GALNT2: variants seen among roughly 807,000 people sequenced by gnomAD.
GALNT2 encodes polypeptide N-acetylgalactosaminyltransferase 2, also known as UDP-GalNAc:polypeptide N-acetylgalactosaminyltransferase 2.
A neutral mutation model predicts 81.4 loss-of-function variants in GALNT2; 31 were observed. The ratio of observed to expected loss-of-function variants is 0.38; its 90% CI spans 0.29 to 0.51. The LOEUF is 0.51. Among genes scored for constraint, GALNT2 ranks in the 20% least tolerant of loss-of-function variants. The pLI, the probability that GALNT2 is intolerant of heterozygous loss-of-function variation, is 0.87. For synonymous variants in GALNT2, 303 were observed against 287.4 expected (o/e 1.05, Z -0.55); for missense variants, 629 against 765.7 (o/e 0.82, Z 2.11).
intron 3 of GALNT2, among the ~76,000 whole-genome samples, chr1:230,227,565 A>C (rs1664753927): frequency 6.7e-6 from 1 of 149,908 alleles, no homozygotes. Context: ...ATACAGCCAT[A>C]TATATATATA....
chr1:230,180,109 G>A lies in GALNT2; in HGVS notation c.220+1798G>A, dbSNP rs980755289. On this transcript the variant is annotated intron_variant, in intron 2 of 15. Coordinates refer to ENST00000366672, the MANE Select transcript of GALNT2 (RefSeq NM_004481.5). ...AATTTTTGTATTTTTAGTAGAGACAGCGTTTTGCCATGTTGGCCAGGCTGG... is the reference window on the plus strand; with the variant it reads ...AATTTTTGTATTTTTAGTAGAGACAACGTTTTGCCATGTTGGCCAGGCTGG... 2.1e-4 allele frequency among the ~76,000 whole-genome samples: 32 copies of A among 152,128 alleles called. 1 individual carries two copies. The highest frequency in any genetic ancestry group is 2.1e-3 in the Admixed American group (32 of 15,268).
intron 3 of GALNT2, among the ~76,000 whole-genome samples, chr1:230,232,621 G>A (rs1328328397): frequency 6.6e-6 from 1 of 152,168 alleles, no homozygotes. Flanking sequence ...GTGTTAAGTG[G>A]GACCTAATTG....
intron 1 of GALNT2, among the ~76,000 whole-genome samples, chr1:230,076,544 G>A (rs1344214618): frequency 5.3e-5 from 8 of 152,158 alleles, no homozygotes; most frequent in Admixed American, 3.3e-4. Flanking sequence ...TCTTGGCAAT[G>A]TGGGTAACAC....
At chr1:230,226,890 TAAAG>T (rs1425727465) in intron 3 of GALNT2, among the ~76,000 whole-genome samples, 1 of 151,920 alleles carries the variant, frequency 6.6e-6, no homozygotes, top group Non-Finnish European at 1.5e-5. Flanking sequence ...GGTGTAAACC[TAAAG>T]AAAGCAGAAG....
chr1:230,222,580 AT>A (rs200911819), intron 3 of GALNT2, among the ~76,000 whole-genome samples: 6,725 of 151,542 alleles, frequency 0.044, 195 homozygotes, highest in Non-Finnish European at 0.065. Context: ...TAAGAAACTG[AT>A]TTTTTTTTCT....
At chr1:230,169,987 A>C (rs903239511) in intron 1 of GALNT2, among the ~76,000 whole-genome samples, 2 of 151,296 alleles carry the variant, frequency 1.3e-5, no homozygotes, top group African/African-American at 4.9e-5. Flanking sequence ...TTCTAGAAAA[A>C]CCCCCAAGGC....
intron 2 of GALNT2, among the ~76,000 whole-genome samples, chr1:230,185,752 A>G (rs1211726794): frequency 6.6e-6 from 1 of 152,176 alleles, no homozygotes; most frequent in Admixed American, 6.5e-5. Flanking sequence ...TTCAATATTC[A>G]CTGTGAGGAT....
At chr1:230,115,245 C>T (rs1215934328) in intron 1 of GALNT2, among the ~76,000 whole-genome samples, 1 of 152,084 alleles carries the variant, frequency 6.6e-6, no homozygotes, top group East Asian at 1.9e-4. Context: ...ACCTTGTGAT[C>T]CACCTGCCTC....
At chr1:230,164,078 C>T (rs773143709) in intron 1 of GALNT2, among the ~76,000 whole-genome samples, 2 of 152,048 alleles carry the variant, frequency 1.3e-5, no homozygotes, top group Non-Finnish European at 2.9e-5. Context: ...TATTAAATAC[C>T]ATACCTCAAA....
rs113630188 is a variant in GALNT2 at position 230,110,714 on chromosome 1, G to GTTTTTTTTTTTTTT, written c.126+43309_126+43322dup. Among the ~76,000 whole-genome samples, 24 of 137,640 alleles carry GTTTTTTTTTTTTTT rather than the reference G, an allele frequency of 1.7e-4. 1 individual carries two copies. The highest frequency in any genetic ancestry group is 2.4e-4 in the African/African-American group (9 of 37,172). The allele number at this position is 137,640 out of a possible 152,430, so 90.3% of individuals were successfully genotyped here. A position where few individuals can be genotyped will look rare whatever the true frequency, so the allele number is the denominator to read the frequency against. On this transcript the variant is annotated intron_variant, in intron 1 of 15. Transcript: ENST00000366672. ...GGGTCTCTCTCAGCTGTGCTTTTCT[G>GTTTTTTTTTTTTTT]TTTTTTTTTTTTTTGTCTTCAATAG...
At chr1:230,204,547 T>G (rs1259475405) in intron 3 of GALNT2, among the ~76,000 whole-genome samples, 1 of 152,162 alleles carries the variant, frequency 6.6e-6, no homozygotes, top group Non-Finnish European at 1.5e-5. Context: ...TGGTAGGCAT[T>G]TTAAAAAGAG....
intron 3 of GALNT2, among the ~76,000 whole-genome samples, chr1:230,204,260 TC>T (rs1227563389): frequency 1.3e-5 from 2 of 151,982 alleles, no homozygotes; most frequent in East Asian, 1.9e-4. Flanking sequence ...CTCCTCTACT[TC>T]CCAGGTTCAA....
Position 230,154,094 on chromosome 1 carries a change from A to G in GALNT2, c.127-24124A>G, listed in dbSNP as rs535558042. Among the ~76,000 whole-genome samples, 22 of 152,266 alleles carry G rather than the reference A, an allele frequency of 1.4e-4. No homozygotes were observed. In the South Asian group the frequency reaches 4.3e-3, roughly 30 times the overall value. On this transcript the variant is annotated intron_variant, in intron 1 of 15. Transcript: ENST00000366672. ...AGTGCTTTTTGAAAAGAGCTTGCAT[A>G]ATCAGTGTCTGGTGAGCTGTGAGGC...
intron 6 of GALNT2, among the ~76,000 whole-genome samples, chr1:230,240,899 T>C (rs1215377618): frequency 2.6e-5 from 4 of 152,184 alleles, no homozygotes; most frequent in Non-Finnish European, 5.9e-5. Flanking sequence ...CTTTTCCCCC[T>C]TAATTTTTTC....
At chr1:230,067,845 A>G (rs895353687) in intron 1 of GALNT2, among the ~76,000 whole-genome samples, 1 of 152,140 alleles carries the variant, frequency 6.6e-6, no homozygotes, top group Non-Finnish European at 1.5e-5. Context: ...GCCCTTTGAT[A>G]CCAGCGGCTG....
chr1:230,058,389 G>A (rs532171045), intron 1 of GALNT2, among the ~76,000 whole-genome samples: 2 of 152,268 alleles, frequency 1.3e-5, no homozygotes, highest in East Asian at 1.9e-4. Context: ...CTAAGCCCCC[G>A]TGATGCTGTG....
Position 230,279,563 on chromosome 1 carries a change from C to G in GALNT2, c.*105C>G. ...TAAACTTTCCGCGAAACTAATATAC[C>G]TCAGTATTCCATCATGGTCTGAAAG... On this transcript the variant is annotated 3_prime_UTR_variant, in exon 16 of 16. Transcript: ENST00000366672. The surrounding 1 kb of genome is among the most constrained non-coding windows in gnomAD (Gnocchi z 4.6). 1 of 1,338,798 alleles carries G rather than the reference C, an allele frequency of 7.5e-7. No individual in the cohort carries two copies. The highest frequency in any genetic ancestry group is 1.4e-5 in the African/African-American group (1 of 69,008). The allele number at this position is 1,338,798 out of a possible 1,614,324, so 82.9% of individuals were successfully genotyped here. A position where few individuals can be genotyped will look rare whatever the true frequency, so the allele number is the denominator to read the frequency against.
At chr1:230,173,810 T>C (rs935187454) in intron 1 of GALNT2, among the ~76,000 whole-genome samples, 3 of 152,130 alleles carry the variant, frequency 2.0e-5, no homozygotes, top group Non-Finnish European at 4.4e-5. Context: ...AGTCTTATAA[T>C]GTATGTAAAT....
chr1:230,236,569 C>A (rs1316717501), intron 5 of GALNT2, 91 bp from the exon 6 acceptor site: 3 of 1,432,748 alleles, frequency 2.1e-6, no homozygotes, highest in Non-Finnish European at 2.9e-6. Flanking sequence ...AGGAGATAAT[C>A]GGCCCTTAGA....
Sources: gnomAD v4.1 joint callset for allele counts (sites outside exome capture counted in the v4.1 genomes callset) on GRCh38, gnomAD v4.1.1 for gene constraint, Gnocchi (gnomAD v3.1) non-coding constraint, MANE v1.5 for transcripts, NCBI Gene and HGNC (gene_info 2026-07-23, HGNC 2026-07-21) for gene names.